AGBL2: variants seen among roughly 807,000 people sequenced by gnomAD.
AGBL2 encodes AGBL carboxypeptidase 2.
AGBL2 carries 87 observed loss-of-function variants against 103.0 expected under a neutral mutation model. That is an observed-to-expected ratio of 0.84 (90% CI 0.71 to 1.01). The LOEUF (loss-of-function observed/expected upper bound fraction) is 1.01, where lower values mean the gene tolerates loss of function less well. AGBL2 is among the 50% of genes least tolerant of loss of function. The pLI is 0.00. For missense variants in AGBL2, 904 were observed against 1,023.5 expected (o/e 0.88, Z 1.59); for synonymous variants, 335 against 356.7 (o/e 0.94, Z 0.69).
At chr11:47,691,729 A>AAAAAAAAAAAAATATATATATATATATAT in intron 9 of AGBL2, among the ~76,000 whole-genome samples, 1 of 4,850 alleles carries the variant, frequency 2.1e-4, no homozygotes, top group Non-Finnish European at 3.6e-4. Flanking sequence ...AAAAAAAAAA[A>AAAAAAAAAAAAATATATATATATATATAT]ATATATATAT....
chr11:47,699,417 C>A (rs753679932), intron 8 of AGBL2, 29 bp downstream of exon 8: 3 of 1,128,966 alleles, frequency 2.7e-6, no homozygotes, highest in Middle Eastern at 2.0e-4. Context: ...TCATGATTAA[C>A]CATTCATTGT....
intron 3 of AGBL2, among the ~76,000 whole-genome samples, chr11:47,711,616 C>T (rs1319432009): frequency 6.6e-6 from 1 of 152,224 alleles, no homozygotes; most frequent in Non-Finnish European, 1.5e-5. Flanking sequence ...TCACTGCAAC[C>T]TCTGCCTCCC....
chr11:47,704,025 CTGGGAGG>C (rs1434776399), intron 7 of AGBL2, among the ~76,000 whole-genome samples: 1 of 151,766 alleles, frequency 6.6e-6, no homozygotes, highest in African/African-American at 2.4e-5. Context: ...TCACTTGAAC[CTGGGAGG>C]TGGGGGTTGC....
Position 47,690,421 on chromosome 11 carries a change from A to G in AGBL2, c.1286T>C (p.Leu429Pro). ...GAGCAAGTAAACGGTATTTCCTGCT[A>G]GGCTCCTGCATAAAGTTTGGAGCTT... The part of the protein sequence containing the change: ...FCKLQTLCRS[L>P]AGNTVYLLTI... Residue 429 changes from leucine (L) to proline (P), a missense_variant, in exon 10 of 19, where the codon CTA (leucine) becomes CCA (proline). Physicochemically the swap from Leu to Pro is moderately conservative, Grantham distance 98. Transcript: ENST00000525123. 6.2e-7 allele frequency: 1 copy of G among 1,614,136 alleles called. No individual in the cohort carries two copies. Among genetic ancestry groups the G allele is most frequent in the Non-Finnish European group, 8.5e-7 (1 of 1,180,020 alleles).
chr11:47,681,022 T>C (rs1047075175), intron 12 of AGBL2, among the ~76,000 whole-genome samples: 6 of 152,032 alleles, frequency 3.9e-5, no homozygotes, highest in African/African-American at 1.4e-4. Context: ...GCAAGTACTA[T>C]TATTATTGCA....
intron 13 of AGBL2, among the ~76,000 whole-genome samples, chr11:47,678,197 C>T (rs1390675368): frequency 5.4e-5 from 8 of 149,204 alleles, no homozygotes; most frequent in African/African-American, 7.4e-5. Context: ...CTCCTGACCT[C>T]GTGATCTGCC....
chr11:47,711,658 C>T (rs1476838128), intron 3 of AGBL2, among the ~76,000 whole-genome samples: 2 of 152,184 alleles, frequency 1.3e-5, no homozygotes, highest in South Asian at 2.1e-4. Flanking sequence ...CTCCGCCTTC[C>T]GAGTAGCTGG....
intron 7 of AGBL2, 151 bp downstream of exon 7, chr11:47,704,392 A>G: frequency 1.6e-6 from 1 of 618,792 alleles, no homozygotes; most frequent in Admixed American, 3.1e-5. Flanking sequence ...CTGAGGGAGG[A>G]GAATCCCTTG....
chr11:47,690,946 A>G lies in AGBL2; in HGVS notation c.849-88T>C, dbSNP rs2097442866. On this transcript the variant is annotated intron_variant, in intron 9 of 18. Transcript: ENST00000525123. ...AAAATGTTGTTTTCTCCTGGTAAAA[A>G]CAGGTCTTATTACAACAGAAAAATC... The G allele has an allele frequency of 4.7e-6, 5 of 1,068,354 alleles. No individual in the cohort carries two copies. The Admixed American group carries it at 1.3e-4, about 28-fold the overall frequency. 66.2% of individuals were successfully genotyped at this position (1,068,354 alleles called of 1,614,324 possible).
chr11:47,669,832 C>G (rs1435569816), intron 14 of AGBL2, among the ~76,000 whole-genome samples: 1 of 152,112 alleles, frequency 6.6e-6, no homozygotes, highest in African/African-American at 2.4e-5. Context: ...AAGATGGTCT[C>G]GATCTCCTGA....
Position 47,660,027 on chromosome 11 carries a change from G to T in AGBL2, c.*146C>A. 1.3e-6 allele frequency: 1 copy of T among 751,430 alleles called. No homozygotes were observed. The highest frequency in any genetic ancestry group is 2.0e-6 in the Non-Finnish European group (1 of 500,234). 46.5% of individuals were successfully genotyped at this position (751,430 alleles called of 1,614,324 possible). On this transcript the variant is annotated 3_prime_UTR_variant, in exon 19 of 19. Coordinates refer to ENST00000525123, the MANE Select transcript of AGBL2 (RefSeq NM_024783.4). ...TCTTGACCACATGCCCACAGTGTAA[G>T]TACAAAGTGTAAGGTCAGTGCATGA...
At position 47,715,312 on chromosome 11, in the gene AGBL2, A is replaced by T. The variant is rs1439306091; in HGVS notation, c.-238T>A. ...ACAGAGGCCAAGCAGTGTGCGGGCA[A>T]GGGGACAAACTCGCTGCACCCGCCC... On this transcript the variant is annotated 5_prime_UTR_variant, in exon 1 of 19. The change creates a new upstream start codon in the 5' untranslated region. Transcript: ENST00000525123. 6.6e-6 allele frequency: 1 copy of T among 152,308 alleles called. No individual in the cohort carries two copies. Among genetic ancestry groups the T allele is most frequent in the East Asian group, 1.9e-4 (1 of 5,188 alleles). The allele number at this position is 152,308 out of a possible 1,614,324, so 9.4% of individuals were successfully genotyped here.
In AGBL2 at chr11:47,714,592, T is replaced by C. The variant is rs1486214295; in HGVS notation, c.33+26A>G. On this transcript the variant is annotated intron_variant, in intron 2 of 18. Transcript: ENST00000525123. ...AAATGGAGTTCCCCGAAGAAATTTC[T>C]GTGGCTTTCCGTGTTGTGTACCGAC... 3.7e-6 allele frequency: 6 copies of C among 1,612,866 alleles called. No individual in the cohort carries two copies. In the African/African-American group the frequency reaches 8.0e-5, roughly 22 times the overall value.
chr11:47,706,749 GTTTT>G (rs749331168), intron 4 of AGBL2, among the ~76,000 whole-genome samples: 1 of 151,360 alleles, frequency 6.6e-6, no homozygotes, highest in Non-Finnish European at 1.5e-5. Flanking sequence ...TTTCTCTTTT[GTTTT>G]TTTAAGACAG....
chr11:47,703,969 C>T (rs1466109001), intron 7 of AGBL2, among the ~76,000 whole-genome samples: 4 of 146,854 alleles, frequency 2.7e-5, no homozygotes, highest in African/African-American at 5.0e-5. Context: ...GGCGTGGTGG[C>T]CAGGCATCTG....
At chr11:47,693,181 T>C (rs1295902076) in intron 8 of AGBL2, among the ~76,000 whole-genome samples, 1 of 151,806 alleles carries the variant, frequency 6.6e-6, no homozygotes, top group African/African-American at 2.4e-5. Flanking sequence ...CCTTCCTTTT[T>C]TTGACAGGGT....
In AGBL2 at chr11:47,704,732, C is replaced by T. The variant is rs543425885; in HGVS notation, c.401-4G>A. 6.2e-7 allele frequency: 1 copy of T among 1,612,470 alleles called. No homozygotes were observed. Among genetic ancestry groups the T allele is most frequent in the African/African-American group, 1.3e-5 (1 of 74,994 alleles). The stretch of plus-strand genomic sequence containing the variant: ...GGTAAACTCAGCATATGTGAATCTG[C>T]CAAAGGGAAAGAGAGTAAGTGAACA... On this transcript the variant is annotated splice_region_variant and splice_polypyrimidine_tract_variant and intron_variant, in intron 6 of 18. Coordinates refer to ENST00000525123, the MANE Select transcript of AGBL2 (RefSeq NM_024783.4).
chr11:47,677,351 G>C lies in AGBL2; in HGVS notation c.2067C>G (p.His689Gln). The change falls in exon 14 of 19, where the codon CAC becomes CAG. Residue 689 changes from histidine to glutamine, a missense_variant. Physicochemically the swap from His to Gln is conservative, Grantham distance 24. Coordinates refer to ENST00000525123, the MANE Select transcript of AGBL2 (RefSeq NM_024783.4). ...CTTGTCCAAGTTCATGGAATTTCTT[G>C]TGGATTTCCTGTCGTAAAAGCTCCT... ...ELKELLRQEI[H>Q]KKFHELGQDV... 6.2e-7 allele frequency: 1 copy of C among 1,610,988 alleles called. No individual in the cohort carries two copies. The highest frequency in any genetic ancestry group is 8.5e-7 in the Non-Finnish European group (1 of 1,178,304).
Position 47,690,393 on chromosome 11 carries a change from G to T in AGBL2, c.1314C>A (p.Thr438=), listed in dbSNP as rs746912786. Residue 438 remains threonine, a synonymous_variant, in exon 10 of 19, where the codon ACC becomes ACA. Coordinates refer to ENST00000525123, the MANE Select transcript of AGBL2 (RefSeq NM_024783.4). The part of the protein sequence containing the change: ...SLAGNTVYLL[T]ITNPSQTPQE... ...GAGGGGTCTGGGATGGGTTGGTGAT[G>T]GTGAGCAAGTAAACGGTATTTCCTG... 6.2e-7 allele frequency: 1 copy of T among 1,614,132 alleles called. No homozygotes were observed. The highest frequency in any genetic ancestry group is 8.5e-7 in the Non-Finnish European group (1 of 1,180,022).
Sources: allele counts gnomAD v4.1 joint callset (sites outside exome capture counted in the v4.1 genomes callset), GRCh38; gene constraint gnomAD v4.1.1; transcripts MANE v1.5; gene names NCBI Gene and HGNC (gene_info 2026-07-23, HGNC 2026-07-21).